The following CSMD1 variants were observed in gnomAD, a reference collection of about 807,000 sequenced individuals.
CSMD1 encodes the protein CUB and Sushi multiple domains 1, also known as CUB and sushi domain-containing protein 1.
CSMD1 carries 213 observed loss-of-function variants against 417.5 expected under a neutral mutation model. The observed-to-expected ratio is 0.51, with a 90% CI of 0.46 to 0.57. The LOEUF (loss-of-function observed/expected upper bound fraction) is 0.57. Among genes scored for constraint, CSMD1 ranks in the 20% least tolerant of loss-of-function variants. CSMD1 has a pLI of 0.00. For missense variants in CSMD1, 6,923 were observed against 4,529.7 expected (o/e 1.53, Z -15.17); for synonymous variants, 2,862 against 1,736.8 (o/e 1.65, Z -16.11).
chr8:4,000,445 T>C (rs1006142197), intron 4 of CSMD1, among the ~76,000 whole-genome samples: 1 of 152,236 alleles, frequency 6.6e-6, no homozygotes. Flanking sequence ...GAAGAACATA[T>C]TCCAGCCATG....
At chr8:4,491,739 T>C (rs953586000) in intron 2 of CSMD1, among the ~76,000 whole-genome samples, 8 of 152,116 alleles carry the variant, frequency 5.3e-5, no homozygotes, top group East Asian at 1.9e-4. Context: ...GTTGAGGTTG[T>C]GGGGCAACAG....
chr8:3,532,953 T>A (rs570701315), intron 10 of CSMD1, among the ~76,000 whole-genome samples: 1 of 152,346 alleles, frequency 6.6e-6, no homozygotes, highest in South Asian at 2.1e-4. Context: ...AGTATTATCA[T>A]GTAGAGTCTC....
rs1296602772 is a variant in CSMD1, at chr8:4,031,946, C to G, written c.569G>C (p.Gly190Ala). 3.1e-6 allele frequency: 5 copies of G among 1,613,820 alleles called. No homozygotes were observed. The African/African-American group carries it at 4.0e-5, about 13-fold the overall frequency. Reference sequence around the variant, plus strand: ...TGGGAAGTCCCACGATGCACCATTTCCTGGGCTGACGATGCAGGTCAGGAT... The same window carrying G: ...TGGGAAGTCCCACGATGCACCATTTGCTGGGCTGACGATGCAGGTCAGGAT... ...HAILTCIVSP[G>A]NGASWDFPAP... The change falls in exon 4 of 70, where the codon GGA becomes GCA. Residue 190 changes from glycine to alanine, a missense_variant. By Grantham distance (60) the Gly-to-Ala change is moderately conservative (BLOSUM62 0). Transcript: ENST00000635120.
At chr8:4,587,242 T>G (rs1799746759) in intron 2 of CSMD1, among the ~76,000 whole-genome samples, 1 of 152,152 alleles carries the variant, frequency 6.6e-6, no homozygotes, top group African/African-American at 2.4e-5. Flanking sequence ...GTCTGTTGTT[T>G]TACACTGAAA....
Position 3,786,059 on chromosome 8 carries a change from G to A in CSMD1, c.819-32017C>T, listed in dbSNP as rs183381570. Among the ~76,000 whole-genome samples the A allele has an allele frequency of 2.0e-5, 3 of 152,218 alleles. No homozygotes were observed. The East Asian group carries it at 5.8e-4, about 30-fold the overall frequency. Reference sequence around the variant, plus strand: ...GGACGGAAGAAGTGATGTTTGGGAGGTGAGAATGAGCAGGCCTCATTGAAA... The same window carrying A: ...GGACGGAAGAAGTGATGTTTGGGAGATGAGAATGAGCAGGCCTCATTGAAA... On this transcript the variant is annotated intron_variant, in intron 5 of 69. Coordinates refer to ENST00000635120, the MANE Select transcript of CSMD1 (RefSeq NM_033225.6).
At chr8:3,670,373 C>T (rs908341439) in intron 7 of CSMD1, among the ~76,000 whole-genome samples, 3 of 151,678 alleles carry the variant, frequency 2.0e-5, no homozygotes, top group Admixed American at 6.6e-5. Context: ...CCTTGCTCCT[C>T]AGTTTGCAGA....
At chr8:4,685,227 A>G (rs1303306319) in intron 1 of CSMD1, among the ~76,000 whole-genome samples, 1 of 152,220 alleles carries the variant, frequency 6.6e-6, no homozygotes, top group Non-Finnish European at 1.5e-5. Context: ...AAAGTGCTGC[A>G]TGGGAGAAAA....
intron 3 of CSMD1, among the ~76,000 whole-genome samples, chr8:4,298,579 T>G (rs1351992584): frequency 6.6e-6 from 1 of 152,142 alleles, no homozygotes; most frequent in Non-Finnish European, 1.5e-5. Flanking sequence ...TTATGTAAAT[T>G]TACAAATATT....
chr8:4,056,284 T>C (rs557697764), intron 3 of CSMD1, among the ~76,000 whole-genome samples: 129 of 151,934 alleles, frequency 8.5e-4, no homozygotes, highest in African/African-American at 3.1e-3. Flanking sequence ...AGTTTCACCA[T>C]GTTGGCCTGG....
intron 5 of CSMD1, among the ~76,000 whole-genome samples, chr8:3,771,500 C>G (rs1029440233): frequency 6.6e-6 from 1 of 152,164 alleles, no homozygotes; most frequent in Admixed American, 6.5e-5. Context: ...CTCTCGAACA[C>G]ACAACAGTTT....
In CSMD1 at chr8:4,713,374, T is replaced by TTTTTGTTTTGTTTTGTTTTGTTTTG. The variant is rs56295432; in HGVS notation, c.86-75841_86-75817dup. Among the ~76,000 whole-genome samples the TTTTTGTTTTGTTTTGTTTTGTTTTG allele has an allele frequency of 1.0e-4, 15 of 148,128 alleles. 1 individual carries two copies. The South Asian group carries it at 2.2e-3, about 22-fold the overall frequency. ...TATCTTTTTATTAGTCAGCTTTGTG[T>TTTTTGTTTTGTTTTGTTTTGTTTTG]TTTTGTTTTGTTTTGTTTTGTTTTG... On this transcript the variant is annotated intron_variant, in intron 1 of 69. Coordinates refer to ENST00000635120, the MANE Select transcript of CSMD1 (RefSeq NM_033225.6).
intron 1 of CSMD1, among the ~76,000 whole-genome samples, chr8:4,799,973 C>A (rs1480001683): frequency 1.3e-5 from 2 of 150,942 alleles, no homozygotes; most frequent in Non-Finnish European, 2.9e-5. Context: ...TGATGCTTCT[C>A]ATTTTTTCTA....
intron 7 of CSMD1, among the ~76,000 whole-genome samples, chr8:3,674,449 TATC>T (rs1164890428): frequency 6.6e-6 from 1 of 152,168 alleles, no homozygotes; most frequent in African/African-American, 2.4e-5. Context: ...CCATGGCTAT[TATC>T]ATTATTATTA....
chr8:4,140,070 T>C (rs760530483), intron 3 of CSMD1, among the ~76,000 whole-genome samples: 8 of 150,962 alleles, frequency 5.3e-5, no homozygotes, highest in Middle Eastern at 3.4e-3. Flanking sequence ...AATAAGACAA[T>C]AGCCAGGTAC....
Position 3,525,582 on chromosome 8 carries a change from G to A in CSMD1, c.1345-31856C>T, listed in dbSNP as rs371542824. The stretch of plus-strand genomic sequence containing the variant: ...TTGACAGTTCAGGGAACAAGCAGAG[G>A]GATAAGTCTGTCACTAGGAGGGCAT... On this transcript the variant is annotated intron_variant, in intron 10 of 69. Transcript: ENST00000635120. Among the ~76,000 whole-genome samples the A allele has an allele frequency of 1.1e-4, 16 of 152,100 alleles. No homozygotes were observed. In the East Asian group the frequency reaches 2.7e-3, roughly 26 times the overall value.
intron 3 of CSMD1, among the ~76,000 whole-genome samples, chr8:4,191,794 G>T (rs1374969342): frequency 6.7e-6 from 1 of 148,580 alleles, no homozygotes; most frequent in Non-Finnish European, 1.5e-5. Flanking sequence ...GGTTAAGGTT[G>T]AATTGACTTC....
At chr8:4,074,134 T>C (rs894542971) in intron 3 of CSMD1, among the ~76,000 whole-genome samples, 1 of 152,062 alleles carries the variant, frequency 6.6e-6, no homozygotes, top group Non-Finnish European at 1.5e-5. Flanking sequence ...TTGATCATGC[T>C]CTCCACGTAA....
intron 3 of CSMD1, among the ~76,000 whole-genome samples, chr8:4,403,023 G>T (rs1804754322): frequency 6.6e-6 from 1 of 151,484 alleles, no homozygotes; most frequent in Non-Finnish European, 1.5e-5. Context: ...AGTGGAGACG[G>T]GGTTTCACCA....
chr8:4,833,994 C>T (rs192873828), intron 1 of CSMD1, among the ~76,000 whole-genome samples: 133 of 152,268 alleles, frequency 8.7e-4, no homozygotes, highest in African/African-American at 2.9e-3. Flanking sequence ...CACAGGACCC[C>T]ATTTTTATAA....
Sources: allele counts gnomAD v4.1 joint callset (sites outside exome capture counted in the v4.1 genomes callset), GRCh38; gene constraint gnomAD v4.1.1; transcripts MANE v1.5; gene names NCBI Gene and HGNC (gene_info 2026-07-23, HGNC 2026-07-21).